The following OPCML variants were observed in gnomAD, a reference collection of about 807,000 sequenced individuals.
OPCML encodes the protein opioid-binding protein/cell adhesion molecule.
In OPCML, 13 loss-of-function variants were observed where a neutral mutation model predicts 37.8. The observed-to-expected ratio is 0.34, with a 90% CI of 0.22 to 0.55. The LOEUF (loss-of-function observed/expected upper bound fraction) is 0.55, where lower values mean the gene tolerates loss of function less well. Among genes scored for constraint, OPCML ranks in the 20% least tolerant of loss-of-function variants. OPCML has a pLI of 0.91. For missense variants in OPCML, 341 were observed against 435.6 expected (o/e 0.78, Z 1.93); for synonymous variants, 176 against 168.8 (o/e 1.04, Z -0.33).
intron 1 of OPCML, among the ~76,000 whole-genome samples, chr11:133,364,638 T>C (rs1944499773): frequency 6.6e-6 from 1 of 152,194 alleles, no homozygotes; most frequent in Non-Finnish European, 1.5e-5. Context: ...TTCACAATAT[T>C]ATTTTAAGCA....
In OPCML at chr11:133,208,385, T is replaced by C. The variant is rs1939200506; in HGVS notation, c.62-265375A>G. 6.6e-6 allele frequency among the ~76,000 whole-genome samples: 1 copy of C among 152,150 alleles called. No individual in the cohort carries two copies. Among genetic ancestry groups the C allele is most frequent in the Non-Finnish European group, 1.5e-5 (1 of 68,026 alleles). On this transcript the variant is annotated intron_variant, in intron 1 of 7. Transcript: ENST00000524381. This position sits in a 1 kb window ranked among gnomAD's most constrained non-coding sequence, Gnocchi z 8.9. ...AGCTGGGGCATGGTAGAAAGGGCCATAGGTTAGGATTTTATAACTCTCTGG... is the reference window on the plus strand; with the variant it reads ...AGCTGGGGCATGGTAGAAAGGGCCACAGGTTAGGATTTTATAACTCTCTGG...
At chr11:132,849,733 G>C (rs920150938) in intron 2 of OPCML, among the ~76,000 whole-genome samples, 3 of 152,290 alleles carry the variant, frequency 2.0e-5, no homozygotes, top group South Asian at 4.1e-4. Context: ...CCCTTGAAAG[G>C]GACCCAGAGG....
At chr11:132,852,260 CA>C (rs1032910044) in intron 2 of OPCML, among the ~76,000 whole-genome samples, 2 of 151,910 alleles carry the variant, frequency 1.3e-5, no homozygotes, top group Non-Finnish European at 2.9e-5. Context: ...CACATATATG[CA>C]AAAAAACTAC....
chr11:133,330,470 A>C (rs1325992837), intron 1 of OPCML, among the ~76,000 whole-genome samples: 5 of 152,156 alleles, frequency 3.3e-5, no homozygotes, highest in Non-Finnish European at 5.9e-5. Flanking sequence ...GATTAAGAAA[A>C]TGTGGCACAT....
rs1719130411 is a variant in OPCML, at chr11:133,117,421, T to C, written c.62-174411A>G. Among the ~76,000 whole-genome samples the C allele has an allele frequency of 2.6e-5, 4 of 152,192 alleles. No homozygotes were observed. In the South Asian group the frequency reaches 8.3e-4, roughly 31 times the overall value. On this transcript the variant is annotated intron_variant, in intron 1 of 7. Coordinates refer to ENST00000524381, the MANE Select transcript of OPCML (RefSeq NM_001012393.5). ...TTTCGGGGCCTTCTTATAACCATGG[T>C]CCTAAGGTGTTCCCATAGACTAGCA...
intron 1 of OPCML, among the ~76,000 whole-genome samples, chr11:133,140,790 A>AAT (rs1565467946): frequency 5.3e-5 from 2 of 37,478 alleles, no homozygotes; most frequent in African/African-American, 1.2e-4. Flanking sequence ...AAGACGACGA[A>AAT]GAAGAAGAAG....
chr11:133,131,793 T>C (rs1034796077), intron 1 of OPCML, among the ~76,000 whole-genome samples: 1 of 152,210 alleles, frequency 6.6e-6, no homozygotes, highest in African/African-American at 2.4e-5. Flanking sequence ...AGATGTCTAA[T>C]TGTATGTTCT....
intron 1 of OPCML, chr11:133,362,077 A>G (rs1296595217): frequency 6.6e-6 from 1 of 152,326 alleles, no homozygotes; most frequent in Non-Finnish European, 1.5e-5. Context: ...TTGTCCCTGG[A>G]GCTGCACCCT....
chr11:132,527,851 A>ATGT (rs2096312771), intron 4 of OPCML, among the ~76,000 whole-genome samples: 1 of 152,192 alleles, frequency 6.6e-6, no homozygotes, highest in Non-Finnish European at 1.5e-5. Flanking sequence ...TATGGCTTAT[A>ATGT]TCCTTATTAA....
intron 4 of OPCML, among the ~76,000 whole-genome samples, chr11:132,527,435 A>G (rs2096311427): frequency 6.6e-6 from 1 of 152,198 alleles, no homozygotes. Context: ...TAGGGATTAT[A>G]TAACGGTATC....
At chr11:132,568,039 T>C (rs1400215800) in intron 3 of OPCML, among the ~76,000 whole-genome samples, 3 of 143,422 alleles carry the variant, frequency 2.1e-5, no homozygotes, top group South Asian at 2.3e-4. Flanking sequence ...TGTGTGTGTG[T>C]GTGCGCGCGC....
chr11:133,308,806 A>C (rs1207767561), intron 1 of OPCML, among the ~76,000 whole-genome samples: 1 of 152,226 alleles, frequency 6.6e-6, no homozygotes, highest in South Asian at 2.1e-4. Flanking sequence ...TTGGTGCTGA[A>C]AAGTATAAAA....
At chr11:132,730,761 T>C (rs892780960) in intron 2 of OPCML, among the ~76,000 whole-genome samples, 47 of 151,462 alleles carry the variant, frequency 3.1e-4, no homozygotes, top group African/African-American at 1.1e-3. Flanking sequence ...GTGGTTGAAA[T>C]CTGCTTGACC....
At chr11:133,220,422 C>T (rs995145976) in intron 1 of OPCML, among the ~76,000 whole-genome samples, 10 of 152,116 alleles carry the variant, frequency 6.6e-5, no homozygotes, top group African/African-American at 1.9e-4. Context: ...CACATGAAGG[C>T]CACCCTTGCT....
At chr11:132,893,221 C>T (rs537908281) in intron 2 of OPCML, among the ~76,000 whole-genome samples, 1 of 152,126 alleles carries the variant, frequency 6.6e-6, no homozygotes, top group African/African-American at 2.4e-5. Flanking sequence ...AAGATCGTGC[C>T]GCTGCACTCC....
intron 2 of OPCML, among the ~76,000 whole-genome samples, chr11:132,874,260 T>C (rs1021628937): frequency 6.6e-6 from 1 of 152,226 alleles, no homozygotes; most frequent in Admixed American, 6.5e-5. Context: ...CCTGGCTCAG[T>C]TGATAGAAAA....
chr11:133,163,966 G>A (rs149339592), intron 1 of OPCML, among the ~76,000 whole-genome samples: 1 of 152,282 alleles, frequency 6.6e-6, no homozygotes, highest in African/African-American at 2.4e-5. Flanking sequence ...AACTGAATGA[G>A]ATTGTCCCTC....
At chr11:133,279,118 C>T (rs1011971928) in intron 1 of OPCML, among the ~76,000 whole-genome samples, 5 of 152,152 alleles carry the variant, frequency 3.3e-5, no homozygotes, top group East Asian at 1.9e-4. Context: ...AATAGAACCT[C>T]GCTGTTTCCA....
chr11:132,991,082 A>G (rs1451585379), intron 1 of OPCML, among the ~76,000 whole-genome samples: 1 of 152,222 alleles, frequency 6.6e-6, no homozygotes, highest in African/African-American at 2.4e-5. Flanking sequence ...TGTACTGCCC[A>G]TAGGATTGCC....
Sources: gnomAD v4.1 joint callset for allele counts (sites outside exome capture counted in the v4.1 genomes callset) on GRCh38, gnomAD v4.1.1 for gene constraint, Gnocchi (gnomAD v3.1) non-coding constraint, MANE v1.5 for transcripts, NCBI Gene and HGNC (gene_info 2026-07-23, HGNC 2026-07-21) for gene names.